The following APLP2 variants were observed in gnomAD, a reference collection of about 807,000 sequenced individuals.
The protein encoded by APLP2 is amyloid beta precursor like protein 2.
Under a neutral mutation model 89.9 loss-of-function variants are expected in APLP2, and 53 were observed. The ratio of observed to expected loss-of-function variants is 0.59; its 90% CI spans 0.47 to 0.74. APLP2 has a LOEUF of 0.74. APLP2 is among the 30% of genes least tolerant of loss of function. The pLI is 0.00. For synonymous variants in APLP2, 372 were observed against 348.6 expected, an observed-to-expected ratio of 1.07 and a Z score of -0.75; for missense variants, 973 against 975.9, an observed-to-expected ratio of 1.00 and a Z score of 0.04.
intron 1 of APLP2, 59 bp downstream of exon 1, chr11:130,070,141 T>G: frequency 8.5e-7 from 1 of 1,178,216 alleles, no homozygotes; most frequent in Non-Finnish European, 1.1e-6. Flanking sequence ...GAGCGCGGAC[T>G]GCGGGCGGGC....
chr11:130,109,481 C>T lies in APLP2; in HGVS notation c.158C>T (p.Ala53Val). The T allele has an allele frequency of 6.2e-7, 1 of 1,613,674 alleles. No homozygotes were observed. The highest frequency in any genetic ancestry group is 8.5e-7 in the Non-Finnish European group (1 of 1,179,816). The part of the protein sequence containing the change: ...TGFAVAEPQI[A>V]MFCGKLNMHV... ...TTTGCTGTTGCTGAGCCTCAAATCG[C>T]AATGTTTTGTGGGAAGTTAAATATG... Residue 53 changes from alanine to valine, a missense_variant, in exon 2 of 17, where the codon GCA becomes GTA. Transcript: ENST00000338167.
intron 1 of APLP2, among the ~76,000 whole-genome samples, chr11:130,100,113 A>G (rs934598827): frequency 2.0e-4 from 31 of 152,250 alleles, no homozygotes; most frequent in African/African-American, 7.5e-4. Flanking sequence ...ACTGATGTGT[A>G]GTTATTATTG....
At chr11:130,089,237 T>C (rs1159387298) in intron 1 of APLP2, among the ~76,000 whole-genome samples, 2 of 152,248 alleles carry the variant, frequency 1.3e-5, no homozygotes, top group Non-Finnish European at 2.9e-5. Flanking sequence ...CCTGGATGAA[T>C]GCAGTGGCTT....
rs183558484 is a variant in APLP2 at position 130,098,294 on chromosome 11, A to G, written c.106-11135A>G. Reference sequence around the variant, plus strand: ...GTGGCACGTGCCTGTAATCCCAGCTACTTGGGAGGCTGAGGCAGGAGAATT... The same window carrying G: ...GTGGCACGTGCCTGTAATCCCAGCTGCTTGGGAGGCTGAGGCAGGAGAATT... On this transcript the variant is annotated intron_variant, in intron 1 of 16. Coordinates refer to ENST00000338167, the MANE Select transcript of APLP2 (RefSeq NM_001142276.2). Among the ~76,000 whole-genome samples the G allele has an allele frequency of 5.2e-3, 796 of 152,004 alleles. 9 individuals are homozygous for G. The highest frequency in any genetic ancestry group is 0.018 in the African/African-American group (741 of 41,448).
Position 130,126,713 on chromosome 11 carries a change from T to A in APLP2, c.1104T>A (p.Pro368=). The change falls in exon 8 of 17, where the codon CCT becomes CCA. Residue 368 remains proline (P), a synonymous_variant. Coordinates refer to ENST00000338167, the MANE Select transcript of APLP2 (RefSeq NM_001142276.2). The stretch of plus-strand genomic sequence containing the variant: ...ATTTTGTTTCAGTTCCTCCAACTCC[T>A]CTGCCAACCAATGATGTTGATGTGT... The part of the protein sequence containing the change: ...AVCKAMIPPT[P]LPTNDVDVYF... 1 of 1,614,040 alleles carries A rather than the reference T, an allele frequency of 6.2e-7. No individual in the cohort carries two copies. The highest frequency in any genetic ancestry group is 8.5e-7 in the Non-Finnish European group (1 of 1,179,886).
At chr11:130,081,645 A>G (rs1308884531) in intron 1 of APLP2, among the ~76,000 whole-genome samples, 3 of 152,200 alleles carry the variant, frequency 2.0e-5, no homozygotes, top group Non-Finnish European at 4.4e-5. Context: ...AAAACACTGG[A>G]AGTAATTGGG....
At chr11:130,116,605 A>G (rs371376787) in intron 3 of APLP2, among the ~76,000 whole-genome samples, 44 of 151,892 alleles carry the variant, frequency 2.9e-4, no homozygotes, top group African/African-American at 1.0e-3. Context: ...CCTGCAGCTG[A>G]GATTACAGGC....
intron 13 of APLP2, among the ~76,000 whole-genome samples, 195 bp downstream of exon 13, chr11:130,135,910 T>A (rs183399649): frequency 8.0e-4 from 122 of 152,310 alleles, no homozygotes; most frequent in African/African-American, 2.7e-3. Flanking sequence ...TTGGTGTCAA[T>A]GTCACCATGA....
chr11:130,076,921 C>T (rs1942242739), intron 1 of APLP2, among the ~76,000 whole-genome samples: 3 of 152,236 alleles, frequency 2.0e-5, no homozygotes, highest in Admixed American at 2.0e-4. Context: ...CAGGCTTTGA[C>T]TTCTCAGGGC....
chr11:130,119,219 G>A (rs1949547701), intron 3 of APLP2, among the ~76,000 whole-genome samples: 1 of 152,148 alleles, frequency 6.6e-6, no homozygotes, highest in African/African-American at 2.4e-5. Flanking sequence ...TCTGCCAGCT[G>A]CATCTTCCTG....
chr11:130,141,433 G>A lies in APLP2; in HGVS notation c.1924-65G>A, dbSNP rs1952370503. The A allele has an allele frequency of 7.6e-7, 1 of 1,314,500 alleles. No homozygotes were observed. Among genetic ancestry groups the A allele is most frequent in the Non-Finnish European group, 1.1e-6 (1 of 909,816 alleles). 81.4% of individuals were successfully genotyped at this position (1,314,500 alleles called of 1,614,324 possible). A position where few individuals can be genotyped will look rare whatever the true frequency, so the allele number is the denominator to read the frequency against. On this transcript the variant is annotated intron_variant, in intron 14 of 16. Transcript: ENST00000338167. The surrounding 1 kb of genome is among the most constrained non-coding windows in gnomAD (Gnocchi z 4.2). ...AAGCAGCAGGTAGCAGAGGAAGGAG[G>A]CAGTAAATACCAAACTCCCCGTTCA...
chr11:130,072,979 T>C (rs1166330605), intron 1 of APLP2, among the ~76,000 whole-genome samples: 1 of 152,230 alleles, frequency 6.6e-6, no homozygotes, highest in Non-Finnish European at 1.5e-5. Context: ...TTTCATTTTA[T>C]TTAATTTTAA....
intron 1 of APLP2, among the ~76,000 whole-genome samples, chr11:130,103,042 A>G (rs1425409285): frequency 6.6e-6 from 1 of 152,228 alleles, no homozygotes; most frequent in African/African-American, 2.4e-5. Context: ...ACAGGATATC[A>G]GAAGTGCTGA....
chr11:130,124,787 C>T (rs537189208), intron 7 of APLP2, among the ~76,000 whole-genome samples: 8 of 152,236 alleles, frequency 5.3e-5, no homozygotes, highest in East Asian at 1.9e-4. Context: ...TGTTTTTATT[C>T]GGTAACAGTT....
At chr11:130,100,224 G>A (rs2135673962) in intron 1 of APLP2, 1 of 152,352 alleles carries the variant, frequency 6.6e-6, no homozygotes, top group East Asian at 1.9e-4. Context: ...CTGTCATGGT[G>A]TGTCTGCGCC....
In APLP2 at chr11:130,123,059, A is replaced by G. The variant is rs1950003669; in HGVS notation, c.922+546A>G. Among the ~76,000 whole-genome samples, 1 of 152,046 alleles carries G rather than the reference A, an allele frequency of 6.6e-6. No homozygotes were observed. The highest frequency in any genetic ancestry group is 1.5e-5 in the Non-Finnish European group (1 of 68,016). On this transcript the variant is annotated intron_variant, in intron 6 of 16. Coordinates refer to ENST00000338167, the MANE Select transcript of APLP2 (RefSeq NM_001142276.2). This position sits in a 1 kb window ranked among gnomAD's most constrained non-coding sequence, Gnocchi z 4.0. ...TTGCAGTAGTTCCAGAGCCATTAAC[A>G]TGCAGCCTCCTGCTGATCGTATATT...
chr11:130,096,905 G>A (rs1946280126), intron 1 of APLP2, among the ~76,000 whole-genome samples: 2 of 152,152 alleles, frequency 1.3e-5, no homozygotes, highest in South Asian at 4.2e-4. Context: ...AGTGCAGCAA[G>A]CAGTAAATAT....
At chr11:130,119,888 GT>G (rs759530744) in intron 3 of APLP2, among the ~76,000 whole-genome samples, 137 of 152,264 alleles carry the variant, frequency 9.0e-4, no homozygotes, top group Middle Eastern at 3.4e-3. Flanking sequence ...TCCAACTAGT[GT>G]TTTTTATAGC....
In APLP2 at chr11:130,121,684, A is replaced by G. The variant is rs574399703; in HGVS notation, c.587A>G (p.His196Arg). 8.1e-6 allele frequency: 13 copies of G among 1,614,200 alleles called. 1 individual carries two copies. The South Asian group carries it at 1.4e-4, about 18-fold the overall frequency. ...CTCCCATGTGGGGTAGACCAGTTCC[A>G]TGGCACTGAATATGTGTGCTGCCCT... is the stretch of plus-strand genomic sequence containing the variant. The part of the protein sequence containing the change: ...MLLPCGVDQF[H>R]GTEYVCCPQT... The change falls in exon 5 of 17, where the codon CAT becomes CGT. Residue 196 changes from histidine (H) to arginine (R), a missense_variant. By Grantham distance (29) the His-to-Arg change is conservative. Coordinates refer to ENST00000338167, the MANE Select transcript of APLP2 (RefSeq NM_001142276.2).
Sources: gnomAD v4.1 joint callset for allele counts (sites outside exome capture counted in the v4.1 genomes callset) on GRCh38, gnomAD v4.1.1 for gene constraint, Gnocchi (gnomAD v3.1) non-coding constraint, MANE v1.5 for transcripts, NCBI Gene and HGNC (gene_info 2026-07-23, HGNC 2026-07-21) for gene names.